The following GOLGA4 variants were observed in gnomAD, a reference collection of about 807,000 sequenced individuals.
GOLGA4 encodes golgin A4.
In GOLGA4, 169 loss-of-function variants were observed where a neutral mutation model predicts 265.9. That is an observed-to-expected ratio of 0.64 (90% CI 0.56 to 0.72). The LOEUF (loss-of-function observed/expected upper bound fraction) is 0.72, where lower values mean the gene tolerates loss of function less well. Among genes scored for constraint, GOLGA4 ranks in the 30% least tolerant of loss-of-function variants. The pLI, the probability that GOLGA4 is intolerant of heterozygous loss-of-function variation, is 0.00. For missense variants in GOLGA4, 2,482 were observed against 2,483.4 expected (o/e 1.00, Z 0.01); for synonymous variants, 923 against 855.8 (o/e 1.08, Z -1.37).
chr3:37,303,085 A>T (rs1417381329), intron 10 of GOLGA4, among the ~76,000 whole-genome samples: 1 of 152,266 alleles, frequency 6.6e-6, no homozygotes, highest in Non-Finnish European at 1.5e-5. Flanking sequence ...CACAGTGATC[A>T]TAGTGGGTGT....
rs1345572553 is a variant in GOLGA4 at position 37,337,257 on chromosome 3, T to C, written c.6327+94T>C. On this transcript the variant is annotated intron_variant, in intron 18 of 23. Transcript: ENST00000361924. ...GGCTGTTGCCCAGGCTGGAGTGCAG[T>C]GATGCAATCTTGGCTCACTGCAACC... is the stretch of plus-strand genomic sequence containing the variant. 14 of 704,898 alleles carry C rather than the reference T, an allele frequency of 2.0e-5. No homozygotes were observed. In the Admixed American group the frequency reaches 3.7e-4, roughly 18 times the overall value. 43.7% of individuals were successfully genotyped at this position (704,898 alleles called of 1,614,324 possible).
chr3:37,335,107 G>A lies in GOLGA4; in HGVS notation c.6247G>A (p.Glu2083Lys), dbSNP rs1266916389. 1.9e-6 allele frequency: 3 copies of A among 1,610,586 alleles called. No homozygotes were observed. Among genetic ancestry groups the A allele is most frequent in the South Asian group, 2.2e-5 (2 of 90,472 alleles). The change falls in exon 17 of 24, where the codon GAG becomes AAG. Residue 2083 changes from glutamate to lysine, a missense_variant. Transcript: ENST00000361924. ...AAGGGACCTGCAGACTCAACTTGAG[G>A]AGCTGCAGAAGAAATACCAGCAAAA... is the stretch of plus-strand genomic sequence containing the variant. ...KVRDLQTQLE[E>K]LQKKYQQKLE...
In GOLGA4 at chr3:37,287,198, G is replaced by A. The variant is rs184632493; in HGVS notation, c.525+1137G>A. Among the ~76,000 whole-genome samples, 1,392 of 152,240 alleles carry A rather than the reference G, an allele frequency of 9.1e-3. 27 individuals are homozygous for A. The highest frequency in any genetic ancestry group is 0.032 in the African/African-American group (1,318 of 41,536). ...TCTACTAAAAATACAAAAATCAGCC[G>A]GGTGTGGTGACGGGCACCTGTAATC... On this transcript the variant is annotated intron_variant, in intron 4 of 23. Transcript: ENST00000361924.
At position 37,347,196 on chromosome 3, in the gene GOLGA4, G is replaced by A. The variant is rs762205389; in HGVS notation, c.6476G>A (p.Gly2159Asp). Reference sequence around the variant, plus strand: ...GATCTATTTTTTTATTTGGCAGGTGGCAATTTGTACCATACGGATGTCTCA... The same window carrying A: ...GATCTATTTTTTTATTTGGCAGGTGACAATTTGTACCATACGGATGTCTCA... ...ATTVGTPYKG[G>D]NLYHTDVSLF... is the part of the protein sequence containing the mutation. The change falls in exon 21 of 24, where the codon GGC becomes GAC. Residue 2159 changes from glycine to aspartate, a missense_variant. Transcript: ENST00000361924. 2.5e-6 allele frequency: 4 copies of A among 1,597,610 alleles called. No individual in the cohort carries two copies. Among genetic ancestry groups the A allele is most frequent in the Non-Finnish European group, 1.7e-6 (2 of 1,166,760 alleles).
At chr3:37,365,323 C>T (rs1412958737) in intron 23 of GOLGA4, among the ~76,000 whole-genome samples, 1 of 152,100 alleles carries the variant, frequency 6.6e-6, no homozygotes, top group Non-Finnish European at 1.5e-5. Flanking sequence ...GGCTGGAGAG[C>T]GATGGCATGA....
chr3:37,267,200 C>T (rs904082026), intron 2 of GOLGA4, among the ~76,000 whole-genome samples: 8 of 152,144 alleles, frequency 5.3e-5, no homozygotes, highest in African/African-American at 1.7e-4. Context: ...AAGCTACCTT[C>T]GCTTACTCTA....
intron 13 of GOLGA4, 38 bp downstream of exon 13, chr3:37,321,924 AT>A (rs1456054460): frequency 2.0e-6 from 3 of 1,520,504 alleles, no homozygotes; most frequent in Non-Finnish European, 2.7e-6. Flanking sequence ...GAGTTGTGAA[AT>A]TATTTGCATA....
chr3:37,261,965 C>A (rs1002846335), intron 2 of GOLGA4, among the ~76,000 whole-genome samples: 2 of 152,036 alleles, frequency 1.3e-5, no homozygotes, highest in Non-Finnish European at 2.9e-5. Context: ...ATACCTTTTT[C>A]AAGATGAGCC....
At chr3:37,302,494 A>G (rs138404981) in intron 10 of GOLGA4, among the ~76,000 whole-genome samples, 162 bp downstream of exon 10, 37 of 152,384 alleles carry the variant, frequency 2.4e-4, no homozygotes, top group African/African-American at 8.2e-4. Context: ...GAGGTTGGCA[A>G]ACTGTGGCCT....
chr3:37,363,047 G>T (rs1420761773), intron 23 of GOLGA4, among the ~76,000 whole-genome samples: 1 of 152,034 alleles, frequency 6.6e-6, no homozygotes. Flanking sequence ...CTCCCAAAGT[G>T]CTGGGATTAC....
Position 37,326,431 on chromosome 3 carries a change from T to C in GOLGA4, c.4545T>C (p.Asn1515=). ...GCAAGATGGAGAAAAAGGAGTCTAA[T>C]TTAGAAACAGAGTTAAAGTCTCAAA... is the stretch of plus-strand genomic sequence containing the variant. ...DKSKMEKKES[N]LETELKSQTA... The change falls in exon 14 of 24, where the codon AAT becomes AAC. Residue 1515 remains asparagine, a synonymous_variant. Coordinates refer to ENST00000361924, the MANE Select transcript of GOLGA4 (RefSeq NM_002078.5). 1 of 1,612,302 alleles carries C rather than the reference T, an allele frequency of 6.2e-7. No individual in the cohort carries two copies. The highest frequency in any genetic ancestry group is 8.5e-7 in the Non-Finnish European group (1 of 1,178,736).
intron 2 of GOLGA4, among the ~76,000 whole-genome samples, chr3:37,260,043 C>G (rs1016852259): frequency 1.3e-5 from 2 of 151,560 alleles, no homozygotes; most frequent in Non-Finnish European, 2.9e-5. Flanking sequence ...TATATTATCA[C>G]AGGTACTTTT....
intron 21 of GOLGA4, among the ~76,000 whole-genome samples, chr3:37,351,440 A>T (rs1347857039): frequency 6.6e-6 from 1 of 152,146 alleles, no homozygotes; most frequent in African/African-American, 2.4e-5. Context: ...TGACATTTTG[A>T]TCTCTTCCCA....
chr3:37,302,077 C>A (rs2096894457), intron 9 of GOLGA4, 108 bp from the exon 10 acceptor site: 1 of 892,102 alleles, frequency 1.1e-6, no homozygotes, highest in African/African-American at 1.7e-5. Flanking sequence ...ACATGAGTCA[C>A]CATGCACCAT....
intron 2 of GOLGA4, among the ~76,000 whole-genome samples, chr3:37,277,529 G>A (rs979944024): frequency 6.6e-6 from 1 of 152,288 alleles, no homozygotes; most frequent in South Asian, 2.1e-4. Context: ...TTAATCTTAA[G>A]GACTGTATAA....
chr3:37,256,301 T>C (rs2096748489), intron 2 of GOLGA4, among the ~76,000 whole-genome samples: 1 of 152,094 alleles, frequency 6.6e-6, no homozygotes, highest in Admixed American at 6.6e-5. Flanking sequence ...GTTTCTGAGC[T>C]TTATATATTC....
At position 37,243,565 on chromosome 3, in the gene GOLGA4, G is replaced by A. The variant is rs1325095384; in HGVS notation, c.15G>A (p.Leu5=). The change falls in exon 1 of 24, where the codon CTG becomes CTA. Residue 5 remains leucine (L), a synonymous_variant. Coordinates refer to ENST00000361924, the MANE Select transcript of GOLGA4 (RefSeq NM_002078.5). MFKK[L]KQKISEEQQQ... is the part of the protein sequence containing the mutation. ...TACGCTGCGCCATGTTCAAGAAACT[G>A]AAGCAAAAGATCAGCGAGGAGCAGC... The A allele has an allele frequency of 1.3e-5, 21 of 1,613,982 alleles. No individual in the cohort carries two copies. Among genetic ancestry groups the A allele is most frequent in the Non-Finnish European group, 1.7e-5 (20 of 1,180,002 alleles).
chr3:37,247,340 T>C (rs1201722606), intron 1 of GOLGA4, among the ~76,000 whole-genome samples: 1 of 152,124 alleles, frequency 6.6e-6, no homozygotes, highest in Non-Finnish European at 1.5e-5. Flanking sequence ...GGTCCTCTGC[T>C]GGATGTTGCA....
At position 37,337,179 on chromosome 3, in the gene GOLGA4, C is replaced by CTTTTTTTTTTTTTTTTTTTTTTT; in HGVS notation, c.6327+29_6327+30insTTTTTTTTTTTTTTTTTTTTTTT. 4.7e-6 allele frequency: 5 copies of CTTTTTTTTTTTTTTTTTTTTTTT among 1,073,200 alleles called. No individual in the cohort carries two copies. The highest frequency in any genetic ancestry group is 2.8e-5 in the East Asian group (1 of 36,092). The allele number at this position is 1,073,200 out of a possible 1,614,324, so 66.5% of individuals were successfully genotyped here. ...GGAGCTACAGGTAAGGCTAGTTCTT[C>CTTTTTTTTTTTTTTTTTTTTTTT]TTTTTTTTTTTTTCTTTTTTTTCTT... On this transcript the variant is annotated intron_variant, in intron 18 of 23. Transcript: ENST00000361924.
Sources: allele counts gnomAD v4.1 joint callset (sites outside exome capture counted in the v4.1 genomes callset), GRCh38; gene constraint gnomAD v4.1.1; transcripts MANE v1.5; gene names NCBI Gene and HGNC (gene_info 2026-07-23, HGNC 2026-07-21).